SRGAP3: variants seen among roughly 807,000 people sequenced by gnomAD.
SRGAP3 encodes the protein SLIT-ROBO Rho GTPase activating protein 3.
Under a neutral mutation model 121.1 loss-of-function variants are expected in SRGAP3, and 39 were observed. The ratio of observed to expected loss-of-function variants is 0.32; its 90% CI spans 0.25 to 0.42. The LOEUF (loss-of-function observed/expected upper bound fraction) is 0.42, where lower values mean the gene tolerates loss of function less well. Ranked by LOEUF, SRGAP3 falls within the 10% of genes least tolerant of loss-of-function variation. The probability of loss-of-function intolerance (pLI) is 1.00; values close to 1 mark genes in which losing one functional copy is unlikely to be tolerated. For missense variants in SRGAP3, 1,213 were observed against 1,470.6 expected (o/e 0.82, Z 2.86); for synonymous variants, 601 against 570.0 (o/e 1.05, Z -0.77).
At chr3:9,356,909 A>G (rs2030547082) in intron 1 of SRGAP3, among the ~76,000 whole-genome samples, 1 of 152,342 alleles carries the variant, frequency 6.6e-6, no homozygotes, top group African/African-American at 2.4e-5. Context: ...CATTATGTCA[A>G]GAAAATCTCA....
At chr3:9,192,222 T>C (rs1951773925) in intron 1 of SRGAP3, among the ~76,000 whole-genome samples, 1 of 152,214 alleles carries the variant, frequency 6.6e-6, no homozygotes. Context: ...AAATAACCTC[T>C]GAGCCCTTGG....
At chr3:9,294,236 G>A (rs889371906) in intron 3 of SRGAP3, among the ~76,000 whole-genome samples, 9 of 152,188 alleles carry the variant, frequency 5.9e-5, no homozygotes, top group African/African-American at 1.7e-4. Flanking sequence ...CATGGATGGA[G>A]CTGGAGGCCA....
intron 11 of SRGAP3, chr3:9,035,476 C>A: frequency 5.6e-6 from 1 of 179,586 alleles, no homozygotes; most frequent in Non-Finnish European, 1.2e-5. Context: ...CCCAACTTTG[C>A]ACAATATCAA....
intron 4 of SRGAP3, among the ~76,000 whole-genome samples, chr3:9,076,457 G>A (rs1946979882): frequency 6.6e-6 from 1 of 152,174 alleles, no homozygotes; most frequent in Non-Finnish European, 1.5e-5. Flanking sequence ...ACAAAGAGGA[G>A]AGCCAACGAG....
intron 2 of SRGAP3, among the ~76,000 whole-genome samples, chr3:9,113,711 C>T (rs540354947): frequency 6.6e-6 from 1 of 152,004 alleles, no homozygotes; most frequent in African/African-American, 2.4e-5. Flanking sequence ...GGACGGTTCC[C>T]CCATGCTGTT....
chr3:9,210,902 C>T (rs979388117), intron 1 of SRGAP3, among the ~76,000 whole-genome samples: 1 of 151,870 alleles, frequency 6.6e-6, no homozygotes, highest in Admixed American at 6.6e-5. Context: ...TTTAAAGAAG[C>T]AAAATAGTAT....
intron 1 of SRGAP3, among the ~76,000 whole-genome samples, chr3:9,237,935 C>T (rs964000656): frequency 1.3e-5 from 2 of 152,178 alleles, no homozygotes; most frequent in African/African-American, 2.4e-5. Context: ...GCAGGGAGAC[C>T]GCTTAGAACT....
intron 1 of SRGAP3, 144 bp from the exon 2 acceptor site, chr3:9,125,061 A>G: frequency 2.2e-6 from 2 of 919,906 alleles, no homozygotes; most frequent in Non-Finnish European, 3.4e-6. Context: ...GCCAGAGCTC[A>G]GACCTTGCTT....
intron 3 of SRGAP3, among the ~76,000 whole-genome samples, chr3:9,081,915 G>A (rs377450415): frequency 6.6e-6 from 1 of 152,214 alleles, no homozygotes; most frequent in Non-Finnish European, 1.5e-5. Flanking sequence ...GTATTAGGAG[G>A]TGACGTCTTT....
intron 2 of SRGAP3, 46 bp downstream of exon 2, chr3:9,124,679 C>T (rs1421539940): frequency 6.2e-7 from 1 of 1,611,828 alleles, no homozygotes. Context: ...GTCCGCCCAC[C>T]CCAGTGCTGC....
chr3:9,067,932 G>A (rs1446095607), intron 4 of SRGAP3, among the ~76,000 whole-genome samples: 6 of 152,116 alleles, frequency 3.9e-5, no homozygotes, highest in Admixed American at 3.9e-4. Context: ...GAGCAAAAAT[G>A]GATGGAATGT....
At chr3:9,092,428 G>A (rs952216872) in intron 3 of SRGAP3, among the ~76,000 whole-genome samples, 2 of 152,096 alleles carry the variant, frequency 1.3e-5, no homozygotes, top group African/African-American at 4.8e-5. Flanking sequence ...GTCTTAGCAC[G>A]TGCCAAGCAC....
At chr3:9,272,565 G>A (rs1172635396) in intron 3 of SRGAP3, among the ~76,000 whole-genome samples, 1 of 152,142 alleles carries the variant, frequency 6.6e-6, no homozygotes, top group Non-Finnish European at 1.5e-5. Context: ...TCATCCATGT[G>A]GTAGCATGGG....
chr3:9,025,579 AG>A (rs1472838294), intron 13 of SRGAP3, among the ~76,000 whole-genome samples: 1 of 152,174 alleles, frequency 6.6e-6, no homozygotes, highest in Non-Finnish European at 1.5e-5. Context: ...TTAAAGGAAA[AG>A]GCCTCAAGAA....
At chr3:9,085,072 T>A (rs1046747868) in intron 3 of SRGAP3, among the ~76,000 whole-genome samples, 4 of 152,238 alleles carry the variant, frequency 2.6e-5, no homozygotes, top group African/African-American at 9.6e-5. Flanking sequence ...GTTTGTTTAT[T>A]TGTTCATTCA....
chr3:9,341,794 G>A (rs901945231), intron 1 of SRGAP3, among the ~76,000 whole-genome samples: 2 of 152,058 alleles, frequency 1.3e-5, no homozygotes, highest in Non-Finnish European at 2.9e-5. Context: ...CCACCGCACC[G>A]GGCCTGGGCC....
intron 1 of SRGAP3, among the ~76,000 whole-genome samples, chr3:9,182,837 T>A (rs894515130): frequency 9.9e-5 from 15 of 151,916 alleles, no homozygotes; most frequent in Admixed American, 7.9e-4. Context: ...TAAAAAATTT[T>A]ATAGAGATGG....
chr3:9,082,413 A>T (rs1438339438), intron 3 of SRGAP3, among the ~76,000 whole-genome samples: 2 of 152,214 alleles, frequency 1.3e-5, no homozygotes, highest in East Asian at 3.9e-4. Flanking sequence ...AGACACAGCA[A>T]GAGATTGCCC....
intron 3 of SRGAP3, among the ~76,000 whole-genome samples, chr3:9,318,185 T>C (rs538017349): frequency 2.0e-5 from 3 of 149,576 alleles, no homozygotes; most frequent in Middle Eastern, 3.4e-3. Context: ...AGTTGTCTGT[T>C]GAAATTGTCA....
Sources: gnomAD v4.1 joint callset for allele counts (sites outside exome capture counted in the v4.1 genomes callset) on GRCh38, gnomAD v4.1.1 for gene constraint, MANE v1.5 for transcripts, NCBI Gene and HGNC (gene_info 2026-07-23, HGNC 2026-07-21) for gene names.